GFOD1: variants seen among roughly 807,000 people sequenced by gnomAD.
GFOD1 encodes the protein Gfo/Idh/MocA-like oxidoreductase domain containing 1, also known as glucose-fructose oxidoreductase domain-containing protein 1.
A neutral mutation model predicts 25.4 loss-of-function variants in GFOD1; 9 were observed. The ratio of observed to expected loss-of-function variants is 0.35; its 90% CI spans 0.21 to 0.62. The LOEUF (loss-of-function observed/expected upper bound fraction) is 0.62, where lower values mean the gene tolerates loss of function less well. Among genes scored for constraint, GFOD1 ranks in the 20% least tolerant of loss-of-function variants. GFOD1 has a pLI of 0.72. For synonymous variants in GFOD1, 253 were observed against 245.6 expected, an observed-to-expected ratio of 1.03 and a Z score of -0.28; for missense variants, 403 against 556.9, an observed-to-expected ratio of 0.72 and a Z score of 2.78.
chr6:13,416,206 T>C (rs1786160196), intron 1 of GFOD1, among the ~76,000 whole-genome samples: 1 of 152,262 alleles, frequency 6.6e-6, no homozygotes, highest in South Asian at 2.1e-4. Flanking sequence ...GATTGTAAGT[T>C]TCCTGAGGCC....
intron 1 of GFOD1, among the ~76,000 whole-genome samples, chr6:13,386,209 C>T (rs959604390): frequency 6.6e-6 from 1 of 151,666 alleles, no homozygotes; most frequent in Admixed American, 6.6e-5. Flanking sequence ...TTTTTTTAAA[C>T]AACAGCCTCA....
intron 1 of GFOD1, among the ~76,000 whole-genome samples, chr6:13,376,736 T>C (rs1584612486): frequency 6.6e-6 from 1 of 152,252 alleles, no homozygotes; most frequent in African/African-American, 2.4e-5. Flanking sequence ...GAATCTATGC[T>C]TTCTCTTCCC....
At position 13,381,913 on chromosome 6, in the gene GFOD1, GCGCA is replaced by G. The variant is rs769233298; in HGVS notation, c.254-16255_254-16252del. ...AGAGAAATAAAACACACACGCGCGC[GCGCA>G]CACACACACACACACACACACACAC... On this transcript the variant is annotated intron_variant, in intron 1 of 1. Coordinates refer to ENST00000379287, the MANE Select transcript of GFOD1 (RefSeq NM_018988.4). Among the ~76,000 whole-genome samples, 240 of 104,574 alleles carry G rather than the reference GCGCA, an allele frequency of 2.3e-3. 3 individuals are homozygous for G. The highest frequency in any genetic ancestry group is 7.2e-3 in the African/African-American group (234 of 32,522). 68.6% of individuals were successfully genotyped at this position (104,574 alleles called of 152,430 possible). A position where few individuals can be genotyped will look rare whatever the true frequency, so the allele number is the denominator to read the frequency against.
intron 1 of GFOD1, among the ~76,000 whole-genome samples, chr6:13,409,098 A>AAAGT (rs1786001062): frequency 1.6e-5 from 1 of 61,726 alleles, no homozygotes; most frequent in African/African-American, 4.0e-5. Flanking sequence ...GGAAAGAAAG[A>AAAGT]AAGAAAGAAA....
intron 1 of GFOD1, among the ~76,000 whole-genome samples, chr6:13,394,106 T>A (rs922409008): frequency 5.9e-5 from 9 of 152,162 alleles, no homozygotes; most frequent in African/African-American, 1.9e-4. Flanking sequence ...TAATGTACAG[T>A]TATTGTGCAA....
At chr6:13,416,052 GT>G (rs1015072525) in intron 1 of GFOD1, among the ~76,000 whole-genome samples, 28 of 152,252 alleles carry the variant, frequency 1.8e-4, no homozygotes, top group African/African-American at 5.5e-4. Context: ...AAAGGGGGTG[GT>G]TTCCCCCATG....
Position 13,363,383 on chromosome 6 carries a change from A to G in GFOD1, c.*1360T>C, listed in dbSNP as rs1347382894. The G allele has an allele frequency of 6.6e-6, 1 of 152,132 alleles. No individual in the cohort carries two copies. The highest frequency in any genetic ancestry group is 1.5e-5 in the Non-Finnish European group (1 of 68,042). The allele number at this position is 152,132 out of a possible 1,614,324, so 9.4% of individuals were successfully genotyped here. ...CAATTAGAAGAACATGTTTTTTCCA[A>G]CATTAGCCTTTTCAAGCCTAAGTAT... On this transcript the variant is annotated 3_prime_UTR_variant, in exon 2 of 2. Transcript: ENST00000379287.
At chr6:13,453,431 T>C (rs73725831) in intron 1 of GFOD1, among the ~76,000 whole-genome samples, 6,490 of 152,312 alleles carry the variant, frequency 0.043, 469 homozygotes, top group African/African-American at 0.15. Context: ...ATAAATGCGG[T>C]TTCAAAGATA....
chr6:13,455,945 T>C lies in GFOD1; in HGVS notation c.253+30693A>G, dbSNP rs543159176. ...GTTTACTAGAGGCATACCTCTGTCT[T>C]GACTGCTGTTTATTCAGACAAGATT... On this transcript the variant is annotated intron_variant, in intron 1 of 1. Coordinates refer to ENST00000379287, the MANE Select transcript of GFOD1 (RefSeq NM_018988.4). Among the ~76,000 whole-genome samples, 28 of 152,342 alleles carry C rather than the reference T, an allele frequency of 1.8e-4. No homozygotes were observed. In the South Asian group the frequency reaches 3.1e-3, roughly 17 times the overall value.
At position 13,378,564 on chromosome 6, in the gene GFOD1, G is replaced by A. The variant is rs60480890; in HGVS notation, c.254-12902C>T. On this transcript the variant is annotated intron_variant, in intron 1 of 1. Coordinates refer to ENST00000379287, the MANE Select transcript of GFOD1 (RefSeq NM_018988.4). ...CAACTGAAAGATTATTATCGAGAAA[G>A]AGAGAGGATGGGGAAACCAGCCATT... is the stretch of plus-strand genomic sequence containing the variant. Among the ~76,000 whole-genome samples the A allele has an allele frequency of 9.7e-3, 1,482 of 152,330 alleles. 26 individuals carry two copies. The highest frequency in any genetic ancestry group is 0.034 in the African/African-American group (1,398 of 41,570).
intron 1 of GFOD1, among the ~76,000 whole-genome samples, chr6:13,468,818 C>T (rs1292940266): frequency 2.0e-5 from 3 of 152,064 alleles, no homozygotes; most frequent in Non-Finnish European, 4.4e-5. Flanking sequence ...ATCCCCCTTC[C>T]AGTTCTCTGC....
chr6:13,472,720 G>T (rs906379188), intron 1 of GFOD1, among the ~76,000 whole-genome samples: 2 of 152,166 alleles, frequency 1.3e-5, no homozygotes, highest in African/African-American at 4.8e-5. Flanking sequence ...AAGCCTTCAG[G>T]AGCATCACTT....
intron 1 of GFOD1, among the ~76,000 whole-genome samples, chr6:13,402,995 A>G (rs914325750): frequency 6.6e-5 from 10 of 152,170 alleles, no homozygotes; most frequent in Admixed American, 2.0e-4. Context: ...TCTCATGGGA[A>G]TATGTTCTGA....
At chr6:13,475,735 A>AATG (rs1758608899) in intron 1 of GFOD1, among the ~76,000 whole-genome samples, 1 of 96,980 alleles carries the variant, frequency 1.0e-5, no homozygotes, top group African/African-American at 3.8e-5. Flanking sequence ...TAATAATAAT[A>AATG]ATAATAATAA....
intron 1 of GFOD1, among the ~76,000 whole-genome samples, chr6:13,378,285 C>T (rs138061483): frequency 2.3e-4 from 35 of 152,306 alleles, no homozygotes; most frequent in Middle Eastern, 3.4e-3. Context: ...TAGGATGAAA[C>T]GACTGAGCCT....
chr6:13,428,513 GC>G, intron 1 of GFOD1, among the ~76,000 whole-genome samples: 1 of 110,874 alleles, frequency 9.0e-6, no homozygotes, highest in Non-Finnish European at 1.6e-5. Context: ...CCAGTGCGAT[GC>G]GATGCGCTGG....
intron 1 of GFOD1, among the ~76,000 whole-genome samples, chr6:13,392,624 G>T (rs555217400): frequency 3.3e-4 from 50 of 152,266 alleles, no homozygotes; most frequent in African/African-American, 1.2e-3. Context: ...GAGAGAGCCT[G>T]CAGGAGCTGG....
intron 1 of GFOD1, among the ~76,000 whole-genome samples, chr6:13,484,504 A>C (rs543489429): frequency 6.6e-6 from 1 of 152,342 alleles, no homozygotes; most frequent in South Asian, 2.1e-4. Flanking sequence ...AAAAAAAGAA[A>C]GAAGAAAGAA....
At chr6:13,390,864 G>C (rs1785589828) in intron 1 of GFOD1, among the ~76,000 whole-genome samples, 1 of 151,488 alleles carries the variant, frequency 6.6e-6, no homozygotes, top group Non-Finnish European at 1.5e-5. Flanking sequence ...GTTGTTATGA[G>C]GGCTGCATGA....
Sources: allele counts gnomAD v4.1 joint callset (sites outside exome capture counted in the v4.1 genomes callset), GRCh38; gene constraint gnomAD v4.1.1; transcripts MANE v1.5; gene names NCBI Gene and HGNC (gene_info 2026-07-23, HGNC 2026-07-21).